CSMD1: variants seen among roughly 807,000 people sequenced by gnomAD.
CSMD1 encodes CUB and sushi domain-containing protein 1.
A neutral mutation model predicts 417.5 loss-of-function variants in CSMD1; 213 were observed. The ratio of observed to expected loss-of-function variants is 0.51; its 90% CI spans 0.46 to 0.57. The LOEUF (loss-of-function observed/expected upper bound fraction) is 0.57, where lower values mean the gene tolerates loss of function less well. Ranked by LOEUF, CSMD1 falls within the 20% of genes least tolerant of loss-of-function variation. CSMD1 has a pLI of 0.00. For synonymous variants in CSMD1, 2,862 were observed against 1,736.8 expected (o/e 1.65, Z -16.11); for missense variants, 6,923 against 4,529.7 (o/e 1.53, Z -15.17).
chr8:4,007,860 T>G (rs868342316), intron 4 of CSMD1, among the ~76,000 whole-genome samples: 3 of 152,164 alleles, frequency 2.0e-5, no homozygotes, highest in Admixed American at 2.0e-4. Flanking sequence ...AAGAAAAGTT[T>G]ATTTAGTTAT....
At chr8:3,088,216 A>C (rs981250301) in intron 48 of CSMD1, among the ~76,000 whole-genome samples, 1 of 152,212 alleles carries the variant, frequency 6.6e-6, no homozygotes, top group African/African-American at 2.4e-5. Context: ...AAGTCTCTGC[A>C]TCTTATTTAC....
intron 52 of CSMD1, among the ~76,000 whole-genome samples, chr8:3,012,855 C>T (rs968071137): frequency 6.6e-6 from 1 of 152,104 alleles, no homozygotes; most frequent in Non-Finnish European, 1.5e-5. Context: ...TTGTAATAAT[C>T]CCCACCTGTC....
chr8:4,426,774 T>C (rs1445492632), intron 2 of CSMD1, among the ~76,000 whole-genome samples: 1 of 148,082 alleles, frequency 6.8e-6, no homozygotes, highest in East Asian at 1.9e-4. Flanking sequence ...TATATTACAA[T>C]ACAGATGATA....
intron 3 of CSMD1, among the ~76,000 whole-genome samples, chr8:4,396,267 G>C (rs561421216): frequency 6.6e-6 from 1 of 151,394 alleles, no homozygotes; most frequent in East Asian, 2.0e-4. Context: ...TTTGAGACCA[G>C]CTTGGGGAAT....
intron 3 of CSMD1, among the ~76,000 whole-genome samples, chr8:4,405,277 G>T (rs1804929238): frequency 1.3e-5 from 2 of 152,106 alleles, no homozygotes; most frequent in Admixed American, 1.3e-4. Context: ...AAAGGAAAAT[G>T]ATATTATCAT....
chr8:4,117,111 T>G (rs1056918180), intron 3 of CSMD1, among the ~76,000 whole-genome samples: 5 of 151,878 alleles, frequency 3.3e-5, no homozygotes, highest in Admixed American at 2.0e-4. Context: ...GAGCTTTGTT[T>G]TTTCTTGCTG....
Position 3,917,818 on chromosome 8 carries a change from G to T in CSMD1, c.818+80085C>A, listed in dbSNP as rs892651409. Among the ~76,000 whole-genome samples the T allele has an allele frequency of 2.0e-5, 3 of 151,982 alleles. 1 individual carries two copies. Among genetic ancestry groups the T allele is most frequent in the Non-Finnish European group, 4.4e-5 (3 of 68,004 alleles). On this transcript the variant is annotated intron_variant, in intron 5 of 69. Coordinates refer to ENST00000635120, the MANE Select transcript of CSMD1 (RefSeq NM_033225.6). The stretch of plus-strand genomic sequence containing the variant: ...AGTTTTGCCATTAGCAATATTAGTT[G>T]TGTGTATGCGGTAAAAGCACATAAG...
At chr8:4,516,358 T>A (rs1803122546) in intron 2 of CSMD1, among the ~76,000 whole-genome samples, 1 of 152,148 alleles carries the variant, frequency 6.6e-6, no homozygotes, top group Admixed American at 6.6e-5. Flanking sequence ...CTTTAAGGCA[T>A]CCAGTTTGTG....
chr8:4,565,143 C>G (rs1340269165), intron 2 of CSMD1, among the ~76,000 whole-genome samples: 1 of 152,206 alleles, frequency 6.6e-6, no homozygotes, highest in Non-Finnish European at 1.5e-5. Flanking sequence ...TCTTATCACT[C>G]AGCCTCAGAC....
At chr8:4,292,459 A>G (rs904435353) in intron 3 of CSMD1, among the ~76,000 whole-genome samples, 1 of 152,084 alleles carries the variant, frequency 6.6e-6, no homozygotes. Flanking sequence ...TCACCGTGTT[A>G]GTCAGAATGG....
At chr8:3,943,920 G>A (rs1811057639) in intron 5 of CSMD1, among the ~76,000 whole-genome samples, 1 of 152,038 alleles carries the variant, frequency 6.6e-6, no homozygotes, top group African/African-American at 2.4e-5. Flanking sequence ...TAGGTTCTGA[G>A]CCAGAAAACA....
chr8:4,714,460 A>T (rs554758661), intron 1 of CSMD1, among the ~76,000 whole-genome samples: 1 of 152,326 alleles, frequency 6.6e-6, no homozygotes, highest in South Asian at 2.1e-4. Context: ...CAAAATACAT[A>T]AGCGCTTTCA....
chr8:3,094,179 C>T (rs1312873819), intron 47 of CSMD1, among the ~76,000 whole-genome samples: 1 of 151,860 alleles, frequency 6.6e-6, no homozygotes, highest in Non-Finnish European at 1.5e-5. Flanking sequence ...AATCTCGGCT[C>T]TCTGCAACCT....
chr8:3,727,940 G>C (rs1265937056), intron 6 of CSMD1, among the ~76,000 whole-genome samples: 2 of 152,116 alleles, frequency 1.3e-5, no homozygotes, highest in African/African-American at 2.4e-5. Flanking sequence ...AGGGAGGAGG[G>C]GGTATGGGTA....
intron 5 of CSMD1, among the ~76,000 whole-genome samples, chr8:3,992,441 A>T (rs1343597433): frequency 1.3e-5 from 2 of 152,230 alleles, no homozygotes; most frequent in African/African-American, 4.8e-5. Flanking sequence ...GTTGAGGTGC[A>T]TAGCTTACAA....
chr8:3,427,311 C>T (rs1466911734), intron 12 of CSMD1, among the ~76,000 whole-genome samples: 1 of 152,114 alleles, frequency 6.6e-6, no homozygotes, highest in Non-Finnish European at 1.5e-5. Flanking sequence ...ATCAGAAGTG[C>T]AAACTGAAGT....
intron 34 of CSMD1, among the ~76,000 whole-genome samples, chr8:3,189,689 G>A (rs1796300088): frequency 7.2e-6 from 1 of 138,514 alleles, no homozygotes; most frequent in Non-Finnish European, 1.7e-5. Flanking sequence ...TAAATATGGA[G>A]AAGGGAAACA....
intron 2 of CSMD1, among the ~76,000 whole-genome samples, chr8:4,494,797 G>C (rs935037319): frequency 6.6e-6 from 1 of 152,208 alleles, no homozygotes. Flanking sequence ...CTATAATTTT[G>C]TGGAAAATAG....
At chr8:4,038,021 T>C (rs1797706134) in intron 3 of CSMD1, among the ~76,000 whole-genome samples, 2 of 152,130 alleles carry the variant, frequency 1.3e-5, no homozygotes, top group African/African-American at 2.4e-5. Context: ...CCACACTTGG[T>C]AAAAAGTGTA....
Sources: gnomAD v4.1 joint callset for allele counts (sites outside exome capture counted in the v4.1 genomes callset) on GRCh38, gnomAD v4.1.1 for gene constraint, MANE v1.5 for transcripts, NCBI Gene and HGNC (gene_info 2026-07-23, HGNC 2026-07-21) for gene names.